DPYD: variants seen among roughly 807,000 people sequenced by gnomAD.
DPYD encodes the protein dihydropyrimidine dehydrogenase [NADP(+)].
In DPYD, 109 loss-of-function variants were observed where a neutral mutation model predicts 116.2. The ratio of observed to expected loss-of-function variants is 0.94; its 90% CI spans 0.80 to 1.10. DPYD has a LOEUF of 1.10. Among genes scored for constraint, DPYD ranks in the 50% least tolerant of loss-of-function variants. The pLI, the probability that DPYD is intolerant of heterozygous loss-of-function variation, is 0.00. For synonymous variants in DPYD, 440 were observed against 432.0 expected (o/e 1.02, Z -0.23); for missense variants, 1,302 against 1,254.5 (o/e 1.04, Z -0.57).
At chr1:97,452,659 C>G (rs1455269719) in intron 13 of DPYD, among the ~76,000 whole-genome samples, 1 of 152,014 alleles carries the variant, frequency 6.6e-6, no homozygotes, top group Non-Finnish European at 1.5e-5. Flanking sequence ...TAGTATCATC[C>G]TCTTGGTACT....
intron 2 of DPYD, among the ~76,000 whole-genome samples, chr1:97,866,804 A>C (rs1457823687): frequency 1.3e-5 from 2 of 151,874 alleles, no homozygotes; most frequent in Non-Finnish European, 2.9e-5. Context: ...AAGGAAGTGC[A>C]GTATGTATAT....
chr1:97,533,041 G>C (rs1317644414), intron 12 of DPYD, among the ~76,000 whole-genome samples: 2 of 151,124 alleles, frequency 1.3e-5, no homozygotes, highest in African/African-American at 4.9e-5. Context: ...TCTTAGTACT[G>C]TTCTTGCATT....
At chr1:97,739,029 G>A (rs1019576545) in intron 4 of DPYD, among the ~76,000 whole-genome samples, 8 of 152,018 alleles carry the variant, frequency 5.3e-5, no homozygotes, top group African/African-American at 7.2e-5. Context: ...AAGATAGTCC[G>A]TCATAATTCT....
At chr1:97,519,546 C>G (rs1648486354) in intron 12 of DPYD, among the ~76,000 whole-genome samples, 1 of 152,100 alleles carries the variant, frequency 6.6e-6, no homozygotes. Context: ...AGAGCCTGCC[C>G]TTTAGTTTCC....
At chr1:97,498,905 C>A (rs1570842945) in intron 13 of DPYD, among the ~76,000 whole-genome samples, 1 of 151,626 alleles carries the variant, frequency 6.6e-6, no homozygotes, top group East Asian at 1.9e-4. Flanking sequence ...TATTTGTAAA[C>A]ATAAAGAAAT....
At chr1:97,732,226 C>A (rs1369563709) in intron 4 of DPYD, among the ~76,000 whole-genome samples, 1 of 152,020 alleles carries the variant, frequency 6.6e-6, no homozygotes, top group Non-Finnish European at 1.5e-5. Context: ...GCTGTAATCC[C>A]AGCACTTTGG....
chr1:97,805,521 T>C (rs2101355721), intron 3 of DPYD, among the ~76,000 whole-genome samples: 1 of 151,970 alleles, frequency 6.6e-6, no homozygotes, highest in South Asian at 2.1e-4. Context: ...TCCATGACTT[T>C]GATTACCAAA....
chr1:97,828,555 A>T (rs575691755), intron 2 of DPYD, among the ~76,000 whole-genome samples: 1 of 152,266 alleles, frequency 6.6e-6, no homozygotes, highest in East Asian at 1.9e-4. Context: ...AGAAAATCCA[A>T]TTTAAACTCA....
intron 7 of DPYD, among the ~76,000 whole-genome samples, chr1:97,690,579 A>T (rs1034386614): frequency 6.6e-6 from 1 of 152,026 alleles, no homozygotes; most frequent in Non-Finnish European, 1.5e-5. Flanking sequence ...TCTTCAATTC[A>T]GAATACCGAA....
chr1:97,822,255 C>T (rs1330730065), intron 3 of DPYD, among the ~76,000 whole-genome samples: 1 of 149,254 alleles, frequency 6.7e-6, no homozygotes, highest in Non-Finnish European at 1.5e-5. Flanking sequence ...TATACACACA[C>T]ACAGATTTAT....
intron 2 of DPYD, among the ~76,000 whole-genome samples, chr1:97,878,498 T>C (rs1166449156): frequency 6.6e-6 from 1 of 151,986 alleles, no homozygotes; most frequent in Non-Finnish European, 1.5e-5. Context: ...CCTCAAATAA[T>C]CCAAAAGTGA....
chr1:97,414,402 T>C (rs552753003), intron 14 of DPYD, among the ~76,000 whole-genome samples: 14 of 152,344 alleles, frequency 9.2e-5, no homozygotes, highest in African/African-American at 3.4e-4. Context: ...CCCTATCTTA[T>C]GGTCTTGAAG....
rs564526831 is a variant in DPYD, at chr1:97,477,641, T to A, written c.1741-27418A>T. On this transcript the variant is annotated intron_variant, in intron 13 of 22. Transcript: ENST00000370192. Reference sequence around the variant, plus strand: ...TTTTTTTTTTTTTTTTAAGACGGAGTCTCGCTCTGTCGCCCAGGCCGGACT... The same window carrying A: ...TTTTTTTTTTTTTTTTAAGACGGAGACTCGCTCTGTCGCCCAGGCCGGACT... 3.3e-4 allele frequency among the ~76,000 whole-genome samples: 45 copies of A among 136,966 alleles called. 1 individual carries two copies. In the East Asian group the frequency reaches 9.3e-3, roughly 28 times the overall value. 89.9% of individuals were successfully genotyped at this position (136,966 alleles called of 152,430 possible).
At chr1:97,639,381 G>A (rs1006405344) in intron 8 of DPYD, among the ~76,000 whole-genome samples, 5 of 151,604 alleles carry the variant, frequency 3.3e-5, no homozygotes, top group African/African-American at 4.8e-5. Context: ...GTTTTCTACC[G>A]CTCCATGGCT....
intron 14 of DPYD, among the ~76,000 whole-genome samples, chr1:97,413,192 G>A (rs1674104607): frequency 6.6e-6 from 1 of 152,152 alleles, no homozygotes; most frequent in Non-Finnish European, 1.5e-5. Context: ...AGGCTGAGTG[G>A]AAACTTCTTT....
At chr1:97,706,658 T>C (rs1057281561) in intron 5 of DPYD, among the ~76,000 whole-genome samples, 5 of 152,032 alleles carry the variant, frequency 3.3e-5, no homozygotes, top group African/African-American at 9.7e-5. Flanking sequence ...TAGTAACATA[T>C]ATTTAAGTTT....
chr1:97,430,131 G>A (rs1337572072), intron 14 of DPYD, among the ~76,000 whole-genome samples: 1 of 152,036 alleles, frequency 6.6e-6, no homozygotes, highest in South Asian at 2.1e-4. Context: ...GCTAAATAAT[G>A]GCAACTCACA....
At position 97,411,630 on chromosome 1, in the gene DPYD, C is replaced by T. The variant is rs114715773; in HGVS notation, c.1906-29169G>A. ...ATCATTGAATACTCATAAATCATTCCTTTGCCTTAATATGCAGTTGATGCT... is the reference window on the plus strand; with the variant it reads ...ATCATTGAATACTCATAAATCATTCTTTTGCCTTAATATGCAGTTGATGCT... On this transcript the variant is annotated intron_variant, in intron 14 of 22. Transcript: ENST00000370192. Among the ~76,000 whole-genome samples the T allele has an allele frequency of 6.4e-3, 975 of 152,200 alleles. 17 individuals are homozygous for T. The highest frequency in any genetic ancestry group is 0.022 in the African/African-American group (917 of 41,552).
At chr1:97,191,128 A>G (rs576793518) in intron 20 of DPYD, among the ~76,000 whole-genome samples, 2 of 152,126 alleles carry the variant, frequency 1.3e-5, no homozygotes, top group South Asian at 4.1e-4. Context: ...TTAAGAAAGA[A>G]TGATTAGTTT....
Sources: allele counts gnomAD v4.1 joint callset (sites outside exome capture counted in the v4.1 genomes callset), GRCh38; gene constraint gnomAD v4.1.1; transcripts MANE v1.5; gene names NCBI Gene and HGNC (gene_info 2026-07-23, HGNC 2026-07-21).